Variants in PCDH11X observed in about 807,000 individuals in gnomAD.
PCDH11X encodes protocadherin 11 X-linked.
In PCDH11X, 18 loss-of-function variants were observed where a neutral mutation model predicts 53.3. The observed-to-expected ratio is 0.34, with a 90% confidence interval of 0.23 to 0.50. The LOEUF is 0.50. PCDH11X is among the 20% of genes least tolerant of loss of function. PCDH11X has a pLI of 0.98. For synonymous variants in PCDH11X, 279 were observed against 393.3 expected (o/e 0.71, Z 3.44); for missense variants, 570 against 1,032.4 (o/e 0.55, Z 6.14).
At chrX:91,919,857 A>T in intron 6 of PCDH11X, among the ~76,000 whole-genome samples, 1 of 111,840 alleles carries the variant, frequency 8.9e-6, no homozygotes, top group East Asian at 2.8e-4. Flanking sequence ...TATTTCCTCT[A>T]AAAGAAGTTG....
intron 8 of PCDH11X, among the ~76,000 whole-genome samples, chrX:92,300,874 T>A (rs1376951337): frequency 8.9e-6 from 1 of 111,917 alleles, no homozygotes; most frequent in Non-Finnish European, 1.9e-5. Flanking sequence ...CTGGCTTCAT[T>A]TCTGGTACGT....
intron 6 of PCDH11X, among the ~76,000 whole-genome samples, chrX:92,069,684 C>G (rs1264037316): frequency 1.8e-5 from 2 of 110,802 alleles, no homozygotes; most frequent in African/African-American, 6.6e-5. Flanking sequence ...TATCTTAAAA[C>G]TGATATTATT....
chrX:92,217,654 A>C (rs2148347940), intron 7 of PCDH11X, among the ~76,000 whole-genome samples: 1 of 102,844 alleles, frequency 9.7e-6, no homozygotes, highest in African/African-American at 3.5e-5. Flanking sequence ...TGAGACAGAA[A>C]GTTAACAAGG....
intron 6 of PCDH11X, among the ~76,000 whole-genome samples, chrX:92,046,397 A>T (rs1007821206): frequency 1.8e-5 from 2 of 111,578 alleles, no homozygotes; most frequent in Non-Finnish European, 3.8e-5. Flanking sequence ...TTTAATATAA[A>T]AGGGAAATGA....
At chrX:92,478,190 C>T (rs1249034792) in intron 10 of PCDH11X, among the ~76,000 whole-genome samples, 3 of 111,500 alleles carry the variant, frequency 2.7e-5, no homozygotes, top group East Asian at 2.8e-4. Flanking sequence ...CTGAGGCCTA[C>T]CCAGCCATGT....
intron 6 of PCDH11X, among the ~76,000 whole-genome samples, chrX:92,151,359 A>AT (rs1450870441): frequency 1.9e-4 from 21 of 108,843 alleles, no homozygotes; most frequent in Non-Finnish European, 3.2e-4. Context: ...TGCCTGGCTA[A>AT]TTTTTTGTAT....
chrX:91,815,460 A>C (rs1327879861), intron 4 of PCDH11X, among the ~76,000 whole-genome samples: 2 of 111,781 alleles, frequency 1.8e-5, no homozygotes, highest in Admixed American at 1.9e-4. Flanking sequence ...CTTTCAGTTC[A>C]TTCTATGTAT....
At chrX:91,930,024 A>C (rs922204802) in intron 6 of PCDH11X, among the ~76,000 whole-genome samples, 2 of 109,874 alleles carry the variant, frequency 1.8e-5, no homozygotes, top group African/African-American at 6.6e-5. Flanking sequence ...TTACTTAACT[A>C]TTATATAATT....
At chrX:92,363,720 C>T (rs1183367772) in intron 8 of PCDH11X, among the ~76,000 whole-genome samples, 1 of 111,191 alleles carries the variant, frequency 9.0e-6, no homozygotes, top group African/African-American at 3.3e-5. Flanking sequence ...AGCAGTTATC[C>T]TTATCTTATT....
chrX:92,015,189 G>A (rs1456883133), intron 6 of PCDH11X, among the ~76,000 whole-genome samples: 3 of 111,418 alleles, frequency 2.7e-5, no homozygotes, highest in African/African-American at 9.8e-5. Flanking sequence ...GAAAGAAAAT[G>A]GTGGACTTTA....
chrX:92,066,766 T>A (rs2063613846), intron 6 of PCDH11X, among the ~76,000 whole-genome samples: 1 of 112,516 alleles, frequency 8.9e-6, no homozygotes, highest in Non-Finnish European at 1.9e-5. Flanking sequence ...AACAGTAAGA[T>A]CGTTATCAAC....
chrX:92,189,129 A>G (rs773508832), intron 6 of PCDH11X, among the ~76,000 whole-genome samples: 7 of 111,047 alleles, frequency 6.3e-5, no homozygotes, highest in Non-Finnish European at 1.3e-4. Context: ...AACATGTGCC[A>G]TGGTGGTTTG....
chrX:91,929,426 G>T (rs1266160661), intron 6 of PCDH11X, among the ~76,000 whole-genome samples: 1 of 110,181 alleles, frequency 9.1e-6, no homozygotes, highest in African/African-American at 3.3e-5. Context: ...ACATTTCTTT[G>T]TGTCTGTTAT....
At chrX:92,144,139 T>C (rs2065233678) in intron 6 of PCDH11X, among the ~76,000 whole-genome samples, 1 of 111,118 alleles carries the variant, frequency 9.0e-6, no homozygotes, top group Admixed American at 9.6e-5. Context: ...CTTTTGATTA[T>C]ATAGGCTCAT....
chrX:92,276,854 C>T (rs1322607976), intron 8 of PCDH11X, among the ~76,000 whole-genome samples: 2 of 111,523 alleles, frequency 1.8e-5, no homozygotes, highest in Non-Finnish European at 3.8e-5. Flanking sequence ...GAGTCATGAA[C>T]TGGGCTGGAT....
intron 8 of PCDH11X, among the ~76,000 whole-genome samples, chrX:92,371,166 G>A (rs1259819517): frequency 1.8e-5 from 2 of 110,802 alleles, no homozygotes; most frequent in East Asian, 5.7e-4. Context: ...CTATGCCAGT[G>A]TAATGTCTTA....
At chrX:92,597,056 C>T (rs1050570945) in intron 10 of PCDH11X, among the ~76,000 whole-genome samples, 1 of 111,238 alleles carries the variant, frequency 9.0e-6, no homozygotes. Context: ...ATATGACAGA[C>T]CCACAGCTAG....
At chrX:92,014,227 T>C (rs1456950936) in intron 6 of PCDH11X, among the ~76,000 whole-genome samples, 1 of 110,663 alleles carries the variant, frequency 9.0e-6, no homozygotes, top group East Asian at 2.9e-4. Flanking sequence ...GGGTGAAGGA[T>C]ATGAACAGAC....
intron 4 of PCDH11X, among the ~76,000 whole-genome samples, chrX:91,812,463 A>G (rs1936320684): frequency 9.1e-6 from 1 of 110,005 alleles, no homozygotes; most frequent in Non-Finnish European, 1.9e-5. Context: ...CTCTCCCTCT[A>G]CCTTTCATTC....
Sources: allele counts gnomAD v4.1 joint callset (sites outside exome capture counted in the v4.1 genomes callset), GRCh38; gene constraint gnomAD v4.1.1; transcripts MANE v1.5; gene names NCBI Gene and HGNC (gene_info 2026-07-23, HGNC 2026-07-21).